The following SLC35D4 variants were observed in gnomAD, a reference collection of about 807,000 sequenced individuals.
SLC35D4 encodes the protein solute carrier family 35 member D4.
chr18:23,242,139 G>T, the SLC35D4 span, among the ~76,000 whole-genome samples: 1 of 152,172 alleles, frequency 6.6e-6, no homozygotes, highest in East Asian at 1.9e-4. Context: ...TGAGCCAGGT[G>T]TAGTGGCAGG....
the SLC35D4 span, among the ~76,000 whole-genome samples, chr18:23,392,441 G>T: frequency 7.9e-5 from 12 of 152,238 alleles, no homozygotes; most frequent in East Asian, 2.1e-3. Flanking sequence ...TTACTATTCT[G>T]CCATTAGATG....
At chr18:23,421,472 T>C in the SLC35D4 span, 1 of 1,609,910 alleles carries the variant, frequency 6.2e-7, no homozygotes, top group Non-Finnish European at 8.5e-7. Context: ...CAATGTGAAT[T>C]TCATAGAGTG....
the SLC35D4 span, chr18:23,258,146 TG>T: frequency 6.6e-6 from 1 of 152,376 alleles, no homozygotes; most frequent in Non-Finnish European, 1.5e-5. Context: ...GTCAGTCGCG[TG>T]GAAGGACGTG....
At chr18:23,386,703 T>C in the SLC35D4 span, among the ~76,000 whole-genome samples, 1 of 78,360 alleles carries the variant, frequency 1.3e-5, no homozygotes, top group Non-Finnish European at 2.5e-5. Flanking sequence ...AATATTTGAA[T>C]AACTGGATAA....
At chr18:23,298,710 G>A in the SLC35D4 span, among the ~76,000 whole-genome samples, 7 of 152,174 alleles carry the variant, frequency 4.6e-5, no homozygotes, top group African/African-American at 7.2e-5. Context: ...GAACCTCGCC[G>A]TAGACAGTCT....
At chr18:23,309,831 T>C in the SLC35D4 span, 58 of 1,323,166 alleles carry the variant, frequency 4.4e-5, no homozygotes, top group Non-Finnish European at 6.1e-5. Flanking sequence ...CTTAGCTCAC[T>C]TGAGTTCGGA....
At chr18:23,395,499 T>A in the SLC35D4 span, among the ~76,000 whole-genome samples, 1 of 152,144 alleles carries the variant, frequency 6.6e-6, no homozygotes, top group Non-Finnish European at 1.5e-5. Flanking sequence ...AGGAAAACAA[T>A]TCCTGTCCTG....
chr18:23,331,615 AATCTCAAGTACATGGCTTGC>A, the SLC35D4 span: 1 of 152,762 alleles, frequency 6.5e-6, no homozygotes, highest in Non-Finnish European at 1.5e-5. Flanking sequence ...GAGGCACAGG[AATCTCAAGTACATGGCTTGC>A]TGAGCATTTA....
chr18:23,268,693 G>A, the SLC35D4 span, among the ~76,000 whole-genome samples: 1 of 152,068 alleles, frequency 6.6e-6, no homozygotes, highest in African/African-American at 2.4e-5. Flanking sequence ...GGGACTAGAC[G>A]TTCTAGGGAC....
At chr18:23,299,828 G>A in the SLC35D4 span, among the ~76,000 whole-genome samples, 5 of 152,288 alleles carry the variant, frequency 3.3e-5, no homozygotes, top group East Asian at 5.8e-4. Flanking sequence ...AGAGGGAGCC[G>A]AGGGAGACTG....
chr18:23,404,292 C>T, the SLC35D4 span, among the ~76,000 whole-genome samples: 1 of 152,182 alleles, frequency 6.6e-6, no homozygotes, highest in African/African-American at 2.4e-5. Context: ...GTCCTAACCT[C>T]CAAAGTGATG....
chr18:23,415,923 GT>G, the SLC35D4 span, among the ~76,000 whole-genome samples: 1 of 152,134 alleles, frequency 6.6e-6, no homozygotes, highest in Non-Finnish European at 1.5e-5. Flanking sequence ...TAAGAAATGT[GT>G]TGGCCGGGCA....
At chr18:23,304,361 T>TTATA in the SLC35D4 span, among the ~76,000 whole-genome samples, 18 of 146,072 alleles carry the variant, frequency 1.2e-4, no homozygotes, top group South Asian at 8.6e-4. Flanking sequence ...TCTCAAGAAT[T>TTATA]TATATATATA....
At chr18:23,286,307 G>C in the SLC35D4 span, among the ~76,000 whole-genome samples, 5 of 152,198 alleles carry the variant, frequency 3.3e-5, no homozygotes, top group African/African-American at 1.2e-4. Flanking sequence ...TCCCCCAGGA[G>C]CTTGCTACAA....
the SLC35D4 span, among the ~76,000 whole-genome samples, chr18:23,283,471 CAAAA>C: frequency 2.5e-4 from 11 of 44,448 alleles, no homozygotes; most frequent in South Asian, 6.3e-3. Flanking sequence ...GACCCAGTCT[CAAAA>C]AAAAAAAAAA....
the SLC35D4 span, among the ~76,000 whole-genome samples, chr18:23,423,312 C>T: frequency 6.6e-6 from 1 of 152,238 alleles, no homozygotes; most frequent in Admixed American, 6.5e-5. Flanking sequence ...CCCAGCCAAG[C>T]AGAACACACC....
At chr18:23,407,498 G>GA in the SLC35D4 span, among the ~76,000 whole-genome samples, 9 of 150,840 alleles carry the variant, frequency 6.0e-5, no homozygotes, top group Non-Finnish European at 8.9e-5. Flanking sequence ...AAATCAAAAA[G>GA]AAAAAAAATC....
the SLC35D4 span, among the ~76,000 whole-genome samples, chr18:23,270,029 G>T: frequency 6.6e-6 from 1 of 152,346 alleles, no homozygotes; most frequent in Admixed American, 6.5e-5. Flanking sequence ...TAATCACCAA[G>T]ACAATGAGGA....
At chr18:23,303,893 C>G in the SLC35D4 span, among the ~76,000 whole-genome samples, 1 of 146,006 alleles carries the variant, frequency 6.8e-6, no homozygotes, top group Non-Finnish European at 1.5e-5. Flanking sequence ...CAGAGCAAAA[C>G]TCTATCTCCA....
Sources: gnomAD v4.1 joint callset for allele counts (sites outside exome capture counted in the v4.1 genomes callset) on GRCh38, gnomAD v4.1.1 for gene constraint, MANE v1.5 for transcripts, NCBI Gene and HGNC (gene_info 2026-07-23, HGNC 2026-07-21) for gene names.